Variants in EPB41L2 observed in about 807,000 individuals in gnomAD.
EPB41L2 encodes band 4.1-like protein 2.
A neutral mutation model predicts 113.0 loss-of-function variants in EPB41L2; 43 were observed. That is an observed-to-expected ratio of 0.38 (90% CI 0.30 to 0.49). EPB41L2 has a LOEUF of 0.49. EPB41L2 is among the 20% of genes least tolerant of loss of function. EPB41L2 has a pLI of 0.95. For synonymous variants in EPB41L2, 442 were observed against 436.7 expected, an observed-to-expected ratio of 1.01 and a Z score of -0.15; for missense variants, 1,147 against 1,223.4, an observed-to-expected ratio of 0.94 and a Z score of 0.93.
At chr6:130,993,115 A>G (rs1206181685) in intron 1 of EPB41L2, among the ~76,000 whole-genome samples, 2 of 152,224 alleles carry the variant, frequency 1.3e-5, no homozygotes, top group South Asian at 2.1e-4. Context: ...TACAGTGGTA[A>G]GCATAATGAA....
intron 17 of EPB41L2, among the ~76,000 whole-genome samples, chr6:130,864,446 G>C (rs1218708702): frequency 6.6e-6 from 1 of 152,316 alleles, no homozygotes; most frequent in East Asian, 1.9e-4. Context: ...CAAAGGCTGC[G>C]AGCGGGGCTG....
chr6:131,033,235 G>A (rs757781406), intron 1 of EPB41L2, among the ~76,000 whole-genome samples: 29 of 152,044 alleles, frequency 1.9e-4, no homozygotes, highest in Non-Finnish European at 3.5e-4. Context: ...AGACAGGAGA[G>A]AGAGAAAGAA....
At chr6:131,023,772 G>T (rs368923205) in intron 1 of EPB41L2, among the ~76,000 whole-genome samples, 1,954 of 116,910 alleles carry the variant, frequency 0.017, 31 homozygotes, top group Non-Finnish European at 0.028. Context: ...TAGATATATA[G>T]ATATATAGAT....
At chr6:130,894,299 C>T (rs1174556810) in intron 10 of EPB41L2, 45 bp downstream of exon 10, 6 of 1,482,164 alleles carry the variant, frequency 4.0e-6, no homozygotes, top group Non-Finnish European at 5.7e-6. Context: ...GAATTACAGG[C>T]ATGTGCGATC....
intron 1 of EPB41L2, among the ~76,000 whole-genome samples, chr6:131,057,475 A>G (rs929569212): frequency 1.3e-5 from 2 of 152,338 alleles, no homozygotes; most frequent in Admixed American, 6.5e-5. Flanking sequence ...ATCACATTTT[A>G]ATTTTATGTC....
intron 19 of EPB41L2, among the ~76,000 whole-genome samples, chr6:130,853,846 C>T (rs988579165): frequency 2.0e-5 from 3 of 152,190 alleles, no homozygotes; most frequent in African/African-American, 7.2e-5. Context: ...CCGATATTGT[C>T]CTGATCCTGC....
intron 1 of EPB41L2, among the ~76,000 whole-genome samples, chr6:131,060,139 G>T (rs1798373688): frequency 6.6e-6 from 1 of 152,226 alleles, no homozygotes. Flanking sequence ...GGGATTACAG[G>T]CGTGCGCCAC....
intron 1 of EPB41L2, among the ~76,000 whole-genome samples, chr6:131,012,186 C>A (rs1454770162): frequency 6.6e-6 from 1 of 151,610 alleles, no homozygotes; most frequent in Non-Finnish European, 1.5e-5. Flanking sequence ...GGCTGGGCAA[C>A]TGAGGGAGAC....
At chr6:130,906,888 G>A (rs922986007) in intron 5 of EPB41L2, among the ~76,000 whole-genome samples, 2 of 152,104 alleles carry the variant, frequency 1.3e-5, no homozygotes, top group Non-Finnish European at 2.9e-5. Context: ...GCCATTTAAA[G>A]AACTGGTTCC....
chr6:130,839,519 C>T lies in EPB41L2; in HGVS notation c.*1085G>A, dbSNP rs1774904533. ...TAAGTCCCTATCGGGTCTCTGGTGC[C>T]AGCTTTAAATGGTATAACTTTCTTG... On this transcript the variant is annotated 3_prime_UTR_variant, in exon 20 of 20. Coordinates refer to ENST00000337057, the MANE Select transcript of EPB41L2 (RefSeq NM_001431.4). 1 of 152,068 alleles carries T rather than the reference C, an allele frequency of 6.6e-6. No individual in the cohort carries two copies. The highest frequency in any genetic ancestry group is 2.1e-4 in the South Asian group (1 of 4,826). 9.4% of individuals were successfully genotyped at this position (152,068 alleles called of 1,614,324 possible). A position where few individuals can be genotyped will look rare whatever the true frequency, so the allele number is the denominator to read the frequency against.
At chr6:130,987,970 C>T (rs1168657552) in intron 1 of EPB41L2, among the ~76,000 whole-genome samples, 2 of 151,726 alleles carry the variant, frequency 1.3e-5, no homozygotes, top group Non-Finnish European at 2.9e-5. Flanking sequence ...TAAAAATTAG[C>T]TGAGTGTTGG....
intron 5 of EPB41L2, among the ~76,000 whole-genome samples, chr6:130,908,134 C>A (rs1398643012): frequency 2.0e-5 from 3 of 152,170 alleles, no homozygotes; most frequent in African/African-American, 7.2e-5. Context: ...AAAAAACAGC[C>A]ACAGGCAAAA....
intron 18 of EPB41L2, among the ~76,000 whole-genome samples, chr6:130,863,143 T>C (rs1782682138): frequency 6.6e-6 from 1 of 152,184 alleles, no homozygotes; most frequent in African/African-American, 2.4e-5. Flanking sequence ...AATTTTCACT[T>C]TGTAAGAAAC....
intron 1 of EPB41L2, among the ~76,000 whole-genome samples, chr6:130,988,257 T>C (rs1453027114): frequency 2.0e-5 from 3 of 152,000 alleles, no homozygotes; most frequent in African/African-American, 7.3e-5. Flanking sequence ...AACTAAAAAA[T>C]AATGCCAAGA....
At chr6:130,936,777 C>A (rs1808956176) in intron 3 of EPB41L2, among the ~76,000 whole-genome samples, 1 of 152,238 alleles carries the variant, frequency 6.6e-6, no homozygotes, top group East Asian at 1.9e-4. Context: ...AAATCATAAC[C>A]AAATTCAGCT....
In EPB41L2 at chr6:130,973,189, T is replaced by G. The variant is rs191734169; in HGVS notation, c.-14-16690A>C. ...CACTTCTCTTCTTCACTTTTTCACT[T>G]TTTTAAAAATTTTATTTTGGTAAAA... On this transcript the variant is annotated intron_variant, in intron 1 of 19. Transcript: ENST00000337057. Among the ~76,000 whole-genome samples the G allele has an allele frequency of 4.7e-4, 72 of 152,274 alleles. No individual in the cohort carries two copies. The East Asian group carries it at 8.3e-3, about 18-fold the overall frequency.
chr6:130,889,493 GAACA>G (rs10572777), intron 11 of EPB41L2, among the ~76,000 whole-genome samples: 7,393 of 152,042 alleles, frequency 0.049, 306 homozygotes, highest in African/African-American at 0.11. Context: ...TTGGGCTAAA[GAACA>G]AACAAACACA....
At chr6:130,992,785 CCAGCTAAT>C (rs67728554) in intron 1 of EPB41L2, among the ~76,000 whole-genome samples, 3,359 of 152,140 alleles carry the variant, frequency 0.022, 66 homozygotes, top group South Asian at 0.092. Context: ...GCCACCACGC[CCAGCTAAT>C]TTTTGTTATT....
intron 4 of EPB41L2, among the ~76,000 whole-genome samples, chr6:130,914,328 G>A (rs1375322476): frequency 6.6e-6 from 1 of 152,114 alleles, no homozygotes; most frequent in African/African-American, 2.4e-5. Flanking sequence ...CATAGGTGAT[G>A]TGTTATATAC....
Sources: gnomAD v4.1 joint callset for allele counts (sites outside exome capture counted in the v4.1 genomes callset) on GRCh38, gnomAD v4.1.1 for gene constraint, MANE v1.5 for transcripts, NCBI Gene and HGNC (gene_info 2026-07-23, HGNC 2026-07-21) for gene names.